Variants in EDIL3 observed in about 807,000 individuals in gnomAD.
EDIL3 encodes the protein EGF-like repeat and discoidin I-like domain-containing protein 3.
A neutral mutation model predicts 67.4 loss-of-function variants in EDIL3; 37 were observed. That is an observed-to-expected ratio of 0.55 (90% confidence interval 0.42 to 0.72). The LOEUF (loss-of-function observed/expected upper bound fraction) is 0.72, where lower values mean the gene tolerates loss of function less well. Among genes scored for constraint, EDIL3 ranks in the 30% least tolerant of loss-of-function variants. The pLI is 0.00. For missense variants in EDIL3, 527 were observed against 586.3 expected (o/e 0.90, Z 1.04); for synonymous variants, 195 against 196.3 (o/e 0.99, Z 0.05).
chr5:84,353,620 A>G (rs1747410642), intron 1 of EDIL3, among the ~76,000 whole-genome samples: 1 of 152,220 alleles, frequency 6.6e-6, no homozygotes, highest in African/African-American at 2.4e-5. Flanking sequence ...AAGAATAAAT[A>G]ATTGATTGCT....
intron 1 of EDIL3, among the ~76,000 whole-genome samples, chr5:84,321,050 T>C (rs1746638267): frequency 6.6e-6 from 1 of 152,234 alleles, no homozygotes; most frequent in Admixed American, 6.5e-5. Flanking sequence ...TATTGTGATC[T>C]GATTTTCAAA....
intron 5 of EDIL3, among the ~76,000 whole-genome samples, chr5:84,127,117 G>A (rs939166567): frequency 1.7e-4 from 26 of 152,012 alleles, no homozygotes; most frequent in Admixed American, 9.2e-4. Flanking sequence ...TCAATTTTTC[G>A]GGATTTCGTA....
intron 2 of EDIL3, among the ~76,000 whole-genome samples, chr5:84,237,229 T>C (rs769034328): frequency 1.3e-5 from 2 of 152,014 alleles, no homozygotes; most frequent in Non-Finnish European, 2.9e-5. Context: ...TGAGCTAATC[T>C]AAAAAGCAAA....
chr5:84,305,458 T>A (rs1746246045), intron 1 of EDIL3, among the ~76,000 whole-genome samples: 1 of 152,244 alleles, frequency 6.6e-6, no homozygotes, highest in Non-Finnish European at 1.5e-5. Context: ...GGAGCCTTTT[T>A]AGATATAGGC....
At chr5:84,051,337 G>C (rs969018750) in intron 9 of EDIL3, among the ~76,000 whole-genome samples, 1 of 152,164 alleles carries the variant, frequency 6.6e-6, no homozygotes, top group Non-Finnish European at 1.5e-5. Context: ...ACCAAAGGTA[G>C]ATAAAACCAC....
At chr5:84,360,758 T>A (rs1241410660) in intron 1 of EDIL3, among the ~76,000 whole-genome samples, 1 of 152,192 alleles carries the variant, frequency 6.6e-6, no homozygotes, top group African/African-American at 2.4e-5. Flanking sequence ...TTCATTTCAC[T>A]CTAATCATAT....
intron 1 of EDIL3, among the ~76,000 whole-genome samples, chr5:84,343,028 T>C (rs949120446): frequency 1.3e-5 from 2 of 152,122 alleles, no homozygotes; most frequent in African/African-American, 2.4e-5. Context: ...CAATTTTTGA[T>C]AGTACTTTTT....
chr5:83,963,060 T>G, intron 10 of EDIL3, 145 bp downstream of exon 10: 1 of 1,125,564 alleles, frequency 8.9e-7, no homozygotes, highest in Non-Finnish European at 1.2e-6. Context: ...ACAGTACTAT[T>G]CTTTAAAGCT....
At chr5:84,191,716 A>G (rs112563781) in intron 3 of EDIL3, among the ~76,000 whole-genome samples, 2 of 152,054 alleles carry the variant, frequency 1.3e-5, no homozygotes, top group Admixed American at 1.3e-4. Flanking sequence ...AAAGCAAACC[A>G]ATATTTTTTT....
chr5:84,182,568 T>C (rs2112359547), intron 3 of EDIL3, among the ~76,000 whole-genome samples: 1 of 152,268 alleles, frequency 6.6e-6, no homozygotes, highest in Non-Finnish European at 1.5e-5. Context: ...TGGGAAGCAC[T>C]TAGAAGGTGG....
chr5:84,146,521 T>A (rs539123140), intron 4 of EDIL3, among the ~76,000 whole-genome samples: 14 of 152,268 alleles, frequency 9.2e-5, no homozygotes, highest in African/African-American at 3.1e-4. Context: ...AACCTAATAT[T>A]GGCATTTCTC....
intron 3 of EDIL3, among the ~76,000 whole-genome samples, chr5:84,186,244 T>C (rs1397975819): frequency 6.6e-6 from 1 of 152,090 alleles, no homozygotes; most frequent in Non-Finnish European, 1.5e-5. Context: ...CTATAAGTAA[T>C]AATAATCACC....
chr5:84,384,253 C>T (rs2112232227), intron 1 of EDIL3, 55 bp downstream of exon 1: 1 of 1,580,762 alleles, frequency 6.3e-7, no homozygotes. Flanking sequence ...CGCGGCGTTT[C>T]TCAGGGGACT....
chr5:84,206,952 A>G (rs1395250003), intron 3 of EDIL3, among the ~76,000 whole-genome samples: 2 of 152,248 alleles, frequency 1.3e-5, no homozygotes, highest in Non-Finnish European at 2.9e-5. Context: ...CTGAATGGGC[A>G]AAAACTGGAA....
intron 10 of EDIL3, among the ~76,000 whole-genome samples, chr5:83,949,106 A>T (rs1418957872): frequency 6.6e-6 from 1 of 151,846 alleles, no homozygotes; most frequent in East Asian, 2.0e-4. Context: ...GACTTTGTTA[A>T]TAAGTGTCTA....
chr5:84,024,775 G>T (rs1745782045), intron 9 of EDIL3, among the ~76,000 whole-genome samples: 1 of 149,384 alleles, frequency 6.7e-6, no homozygotes. Flanking sequence ...GGGCCCATTA[G>T]CACCCTTAAG....
intron 5 of EDIL3, among the ~76,000 whole-genome samples, chr5:84,108,951 T>C (rs1270512388): frequency 1.3e-5 from 2 of 152,192 alleles, no homozygotes; most frequent in Non-Finnish European, 2.9e-5. Flanking sequence ...GAATTAGATA[T>C]CTTCACAGAA....
At chr5:84,318,417 C>A (rs901134721) in intron 1 of EDIL3, among the ~76,000 whole-genome samples, 1 of 152,082 alleles carries the variant, frequency 6.6e-6, no homozygotes. Flanking sequence ...TACTACAAGG[C>A]TACAGAAACC....
At chr5:84,301,174 G>A (rs1036892325) in intron 1 of EDIL3, among the ~76,000 whole-genome samples, 14 of 151,852 alleles carry the variant, frequency 9.2e-5, no homozygotes, top group Admixed American at 3.9e-4. Context: ...AGGCTGAGGC[G>A]GGAGAATCGC....
Sources: allele counts gnomAD v4.1 joint callset (sites outside exome capture counted in the v4.1 genomes callset), GRCh38; gene constraint gnomAD v4.1.1; transcripts MANE v1.5; gene names NCBI Gene and HGNC (gene_info 2026-07-23, HGNC 2026-07-21).